The following QTMAN variants were observed in gnomAD, a reference collection of about 807,000 sequenced individuals.
The protein encoded by QTMAN is queuosine-tRNA mannosyltransferase.
At chr2:144,292,057 T>C in the QTMAN span, among the ~76,000 whole-genome samples, 12,130 of 152,196 alleles carry the variant, frequency 0.08, 1,583 homozygotes, top group African/African-American at 0.28. Context: ...CTCCTCTGAG[T>C]GTTAGTTTTT....
At chr2:144,229,037 A>T in the QTMAN span, among the ~76,000 whole-genome samples, 1 of 152,186 alleles carries the variant, frequency 6.6e-6, no homozygotes, top group Non-Finnish European at 1.5e-5. Context: ...ACTTGAAATC[A>T]ATGGTTCTGT....
At chr2:144,105,835 TG>T in the QTMAN span, among the ~76,000 whole-genome samples, 10 of 151,872 alleles carry the variant, frequency 6.6e-5, no homozygotes, top group Non-Finnish European at 1.3e-4. Context: ...AAGGAAAAAA[TG>T]TTAAGGGCAG....
At chr2:144,047,654 G>GC in the QTMAN span, among the ~76,000 whole-genome samples, 2 of 152,154 alleles carry the variant, frequency 1.3e-5, no homozygotes, top group African/African-American at 2.4e-5. Flanking sequence ...AGCAACACGT[G>GC]CAAGTGGATA....
chr2:144,293,406 T>C, the QTMAN span, among the ~76,000 whole-genome samples: 12 of 152,216 alleles, frequency 7.9e-5, no homozygotes, highest in Non-Finnish European at 1.2e-4. Flanking sequence ...AATGCATGCA[T>C]ATATATGCTT....
At chr2:143,943,517 TC>T in the QTMAN span, 1 of 152,374 alleles carries the variant, frequency 6.6e-6, no homozygotes. Flanking sequence ...TCTTGAGACT[TC>T]AGTAAAATTT....
chr2:144,046,060 A>C, the QTMAN span, among the ~76,000 whole-genome samples: 1 of 152,350 alleles, frequency 6.6e-6, no homozygotes, highest in East Asian at 1.9e-4. Context: ...AAATAAGTGA[A>C]GGCCTGTCCT....
the QTMAN span, chr2:144,177,276 TG>T: frequency 1.5e-6 from 1 of 661,164 alleles, no homozygotes. Flanking sequence ...ACATTGTTTT[TG>T]TTTATTTTAA....
chr2:144,308,873 C>T, the QTMAN span, among the ~76,000 whole-genome samples: 1 of 151,970 alleles, frequency 6.6e-6, no homozygotes, highest in African/African-American at 2.4e-5. Context: ...AAACATCTAA[C>T]AAGAACTTGT....
At chr2:144,183,008 A>G in the QTMAN span, among the ~76,000 whole-genome samples, 1 of 146,116 alleles carries the variant, frequency 6.8e-6, no homozygotes, top group African/African-American at 2.5e-5. Flanking sequence ...AAAGATTTCT[A>G]TAGAAGGTTT....
chr2:144,249,998 A>G, the QTMAN span, among the ~76,000 whole-genome samples: 1 of 152,210 alleles, frequency 6.6e-6, no homozygotes. Flanking sequence ...CAGAGATGGG[A>G]GACTGATTTC....
chr2:144,312,723 G>C, the QTMAN span, among the ~76,000 whole-genome samples: 3 of 152,136 alleles, frequency 2.0e-5, no homozygotes, highest in African/African-American at 7.2e-5. Context: ...TGGATCACTG[G>C]GGTGGCTTCC....
At chr2:144,169,533 T>C in the QTMAN span, among the ~76,000 whole-genome samples, 1 of 152,150 alleles carries the variant, frequency 6.6e-6, no homozygotes, top group African/African-American at 2.4e-5. Flanking sequence ...ATTTAATTCT[T>C]TTTTATTAGA....
chr2:144,051,928 C>A, the QTMAN span, among the ~76,000 whole-genome samples: 3 of 152,222 alleles, frequency 2.0e-5, no homozygotes, highest in African/African-American at 7.2e-5. Context: ...ACTTTACTCT[C>A]TCTTACATTG....
the QTMAN span, among the ~76,000 whole-genome samples, chr2:144,252,652 T>C: frequency 5.9e-5 from 9 of 152,316 alleles, no homozygotes; most frequent in East Asian, 1.2e-3. Flanking sequence ...TTGTTGAAAC[T>C]ACAAAATGGT....
the QTMAN span, among the ~76,000 whole-genome samples, chr2:144,035,182 C>G: frequency 6.6e-6 from 1 of 152,122 alleles, no homozygotes; most frequent in Non-Finnish European, 1.5e-5. Context: ...CTCCCCTGCC[C>G]TCTTCTTCCT....
chr2:144,245,552 A>G, the QTMAN span, among the ~76,000 whole-genome samples: 2 of 152,242 alleles, frequency 1.3e-5, 1 homozygote, highest in South Asian at 4.1e-4. Flanking sequence ...CTAGGAAATG[A>G]CAATATAAGA....
the QTMAN span, among the ~76,000 whole-genome samples, chr2:144,111,806 G>A: frequency 2.0e-5 from 3 of 152,124 alleles, no homozygotes; most frequent in Non-Finnish European, 4.4e-5. Flanking sequence ...CTCTTATATA[G>A]TTTCTATTAA....
chr2:144,308,697 G>C, the QTMAN span, among the ~76,000 whole-genome samples: 1 of 152,028 alleles, frequency 6.6e-6, no homozygotes, highest in Non-Finnish European at 1.5e-5. Context: ...CGGACGCGGT[G>C]GCTCACGCCT....
At chr2:144,013,786 A>G in the QTMAN span, among the ~76,000 whole-genome samples, 5 of 152,228 alleles carry the variant, frequency 3.3e-5, no homozygotes, top group Non-Finnish European at 7.3e-5. Flanking sequence ...GATTTACAAC[A>G]AAAACTATTC....
Sources: gnomAD v4.1 joint callset for allele counts (sites outside exome capture counted in the v4.1 genomes callset) on GRCh38, gnomAD v4.1.1 for gene constraint, MANE v1.5 for transcripts, NCBI Gene and HGNC (gene_info 2026-07-23, HGNC 2026-07-21) for gene names.